The following GRXCR2 variants were observed in gnomAD, a reference collection of about 807,000 sequenced individuals.
The protein encoded by GRXCR2 is glutaredoxin domain-containing cysteine-rich protein 2.
Under a neutral mutation model 24.8 loss-of-function variants are expected in GRXCR2, and 23 were observed. The ratio of observed to expected loss-of-function variants is 0.93; its 90% CI spans 0.67 to 1.32. The LOEUF is 1.32. Among genes scored for constraint, GRXCR2 ranks in the 40% most tolerant of loss-of-function variants. The pLI is 0.00. For synonymous variants in GRXCR2, 130 were observed against 116.1 expected (o/e 1.12, Z -0.77); for missense variants, 315 against 303.4 (o/e 1.04, Z -0.28).
At chr5:145,909,065 G>GGAT (rs1326997906) in intron 2 of GRXCR2, among the ~76,000 whole-genome samples, 1 of 151,978 alleles carries the variant, frequency 6.6e-6, no homozygotes, top group African/African-American at 2.4e-5. Flanking sequence ...CACAAAATGG[G>GGAT]GATGATAACA....
rs1359530011 is a variant in GRXCR2 at position 145,872,744 on chromosome 5, C to T, written c.225G>A (p.Met75Ile). Residue 75 changes from methionine to isoleucine, a missense_variant, in exon 1 of 3, where the codon ATG (methionine) becomes ATA (isoleucine). By Grantham distance (10) the Met-to-Ile change is conservative (BLOSUM62 1). Coordinates refer to ENST00000377976, the MANE Select transcript of GRXCR2 (RefSeq NM_001080516.2). ...YGSGEVPRPQMCSPKLTAQRI... is the reference protein window; with the variant it reads ...YGSGEVPRPQICSPKLTAQRI... The stretch of plus-strand genomic sequence containing the variant: ...TCTGAGCAGTCAGCTTAGGGGAGCA[C>T]ATCTGGGGCCTGGGGACTTCCCCAG... 2 of 1,613,998 alleles carry T rather than the reference C, an allele frequency of 1.2e-6. No homozygotes were observed. Among genetic ancestry groups the T allele is most frequent in the Non-Finnish European group, 1.7e-6 (2 of 1,179,830 alleles).
upstream of GRXCR2, among the ~76,000 whole-genome samples, chr5:145,874,444 C>T (rs181807624): frequency 1.5e-4 from 23 of 152,178 alleles, no homozygotes; most frequent in African/African-American, 4.1e-4. Flanking sequence ...CCTCGTGATC[C>T]GCCTGCCTTG....
At chr5:145,913,416 G>T (rs1212572365) in intron 2 of GRXCR2, among the ~76,000 whole-genome samples, 3 of 151,762 alleles carry the variant, frequency 2.0e-5, no homozygotes, top group Non-Finnish European at 4.4e-5. Flanking sequence ...AGAGATGAGA[G>T]GGCCCACTCA....
At chr5:145,927,886 G>T (rs1349680153) in intron 2 of GRXCR2, among the ~76,000 whole-genome samples, 4 of 152,140 alleles carry the variant, frequency 2.6e-5, no homozygotes, top group Admixed American at 2.6e-4. Context: ...GGCAACAAAA[G>T]CCAAAATTGA....
At chr5:145,887,196 A>C (rs896181557) in intron 2 of GRXCR2, among the ~76,000 whole-genome samples, 1 of 152,206 alleles carries the variant, frequency 6.6e-6, no homozygotes, top group Non-Finnish European at 1.5e-5. Context: ...TCCTAGGCTC[A>C]AGCAATCCTC....
At position 145,889,173 on chromosome 5, in the gene GRXCR2, AAAGAAAG is replaced by A. The variant is rs1347641619; in HGVS notation, c.-69-22452_-69-22446del. On this transcript the variant is annotated intron_variant, in intron 2 of 3. Transcript: ENST00000639411. ...GACAGACCGAGACTCTGTCTCAAAAAAAGAAAGAAAGAAAGAAAGAAAGAAAGAAAGA... is the reference window on the plus strand; with the variant it reads ...GACAGACCGAGACTCTGTCTCAAAAAAAAGAAAGAAAGAAAGAAAGAAAGA... 3.4e-3 allele frequency among the ~76,000 whole-genome samples: 134 copies of A among 39,460 alleles called. 2 individuals carry two copies. The highest frequency in any genetic ancestry group is 0.013 in the African/African-American group (126 of 9,442). The allele number at this position is 39,460 out of a possible 152,430, so 25.9% of individuals were successfully genotyped here. A position where few individuals can be genotyped will look rare whatever the true frequency, so the allele number is the denominator to read the frequency against.
chr5:145,919,782 C>T (rs1051973564), intron 2 of GRXCR2, among the ~76,000 whole-genome samples: 3 of 152,026 alleles, frequency 2.0e-5, no homozygotes, highest in Admixed American at 6.5e-5. Context: ...ATGCTTAAAA[C>T]CCCTGGGGAG....
In GRXCR2 at chr5:145,859,560, G is replaced by T; in HGVS notation, c.*173C>A. On this transcript the variant is annotated 3_prime_UTR_variant, in exon 3 of 3. Transcript: ENST00000377976. ...CCCCTGCCACTTAGACCCACAGAGA[G>T]ATGTTACCGGCCTCACAAAATGTCA... The T allele has an allele frequency of 3.2e-6, 2 of 625,186 alleles. No homozygotes were observed. 38.7% of individuals were successfully genotyped at this position (625,186 alleles called of 1,614,324 possible).
intron 2 of GRXCR2, among the ~76,000 whole-genome samples, chr5:145,928,357 G>T (rs1581359340): frequency 6.6e-6 from 1 of 152,106 alleles, no homozygotes; most frequent in Non-Finnish European, 1.5e-5. Context: ...ATTCCTCAGG[G>T]ATCTAGAACT....
chr5:145,919,467 C>T (rs966588430), intron 2 of GRXCR2, among the ~76,000 whole-genome samples: 1 of 151,946 alleles, frequency 6.6e-6, no homozygotes, highest in African/African-American at 2.4e-5. Flanking sequence ...GAGGAGATGA[C>T]CCCAGCCCCT....
chr5:145,931,567 G>C (rs1415097756), intron 2 of GRXCR2, among the ~76,000 whole-genome samples: 1 of 152,142 alleles, frequency 6.6e-6, no homozygotes, highest in Non-Finnish European at 1.5e-5. Flanking sequence ...ATCCTTTAAA[G>C]AAAGAGTGTT....
chr5:145,929,880 T>C (rs1757456644), intron 2 of GRXCR2, among the ~76,000 whole-genome samples: 1 of 152,056 alleles, frequency 6.6e-6, no homozygotes, highest in South Asian at 2.1e-4. Flanking sequence ...TTTCTGTCTT[T>C]TGGTTCTTCA....
At chr5:145,880,084 G>T (rs994284347) in intron 2 of GRXCR2, among the ~76,000 whole-genome samples, 1 of 152,152 alleles carries the variant, frequency 6.6e-6, no homozygotes, top group Admixed American at 6.5e-5. Flanking sequence ...GCCCACAAGA[G>T]AAAGCAGGAA....
chr5:145,865,075 T>C (rs563116682), intron 2 of GRXCR2, among the ~76,000 whole-genome samples: 1 of 152,284 alleles, frequency 6.6e-6, no homozygotes, highest in Non-Finnish European at 1.5e-5. Flanking sequence ...GCCTCTTGTC[T>C]AAGGCCATTA....
chr5:145,878,093 C>T (rs1756646194), intron 2 of GRXCR2, among the ~76,000 whole-genome samples: 1 of 152,140 alleles, frequency 6.6e-6, no homozygotes, highest in Non-Finnish European at 1.5e-5. Context: ...TGGGGAGAAA[C>T]CAGAGCAGAA....
chr5:145,931,002 T>C (rs1029956141), intron 2 of GRXCR2, among the ~76,000 whole-genome samples: 11 of 152,140 alleles, frequency 7.2e-5, no homozygotes, highest in African/African-American at 2.7e-4. Context: ...CCGGGTCTGT[T>C]AGACTCCAAA....
intron 2 of GRXCR2, among the ~76,000 whole-genome samples, chr5:145,918,916 T>A (rs1292608946): frequency 1.3e-5 from 2 of 152,202 alleles, no homozygotes; most frequent in African/African-American, 4.8e-5. Context: ...CTTCTGTGCT[T>A]AGTGCATGCC....
intron 2 of GRXCR2, among the ~76,000 whole-genome samples, chr5:145,878,130 G>T (rs1241324376): frequency 6.6e-6 from 1 of 152,178 alleles, no homozygotes; most frequent in African/African-American, 2.4e-5. Flanking sequence ...AAACCACAGT[G>T]CTCTTCTCCT....
chr5:145,872,129 T>C (rs1403758033), intron 1 of GRXCR2, among the ~76,000 whole-genome samples: 1 of 152,194 alleles, frequency 6.6e-6, no homozygotes, highest in Non-Finnish European at 1.5e-5. Flanking sequence ...CCAGAGCTTA[T>C]GCTAAGGAGC....
Sources: gnomAD v4.1 joint callset for allele counts (sites outside exome capture counted in the v4.1 genomes callset) on GRCh38, gnomAD v4.1.1 for gene constraint, MANE v1.5 for transcripts, NCBI Gene and HGNC (gene_info 2026-07-23, HGNC 2026-07-21) for gene names.